IL12RB2: variants seen among roughly 807,000 people sequenced by gnomAD.
IL12RB2 encodes interleukin-12 receptor subunit beta-2.
Under a neutral mutation model 89.4 loss-of-function variants are expected in IL12RB2, and 82 were observed. The observed-to-expected ratio is 0.92, with a 90% CI of 0.77 to 1.10. The LOEUF (loss-of-function observed/expected upper bound fraction) is 1.10, where lower values mean the gene tolerates loss of function less well. Ranked by LOEUF, IL12RB2 falls within the 50% of genes least tolerant of loss-of-function variation. The pLI, the probability that IL12RB2 is intolerant of heterozygous loss-of-function variation, is 0.00. For synonymous variants in IL12RB2, 368 were observed against 370.1 expected (o/e 0.99, Z 0.07); for missense variants, 963 against 1,031.9 (o/e 0.93, Z 0.92).
At chr1:67,371,019 T>C (rs76065243) in intron 11 of IL12RB2, among the ~76,000 whole-genome samples, 2,491 of 152,312 alleles carry the variant, frequency 0.016, 25 homozygotes, top group Non-Finnish European at 0.026. Context: ...CATGCCTCCA[T>C]AAGGCGGTGG....
At chr1:67,341,332 T>C (rs1659499663) in intron 9 of IL12RB2, among the ~76,000 whole-genome samples, 1 of 151,096 alleles carries the variant, frequency 6.6e-6, no homozygotes, top group Non-Finnish European at 1.5e-5. Flanking sequence ...AGCAGGAGAA[T>C]CCCTTGAACC....
intron 14 of IL12RB2, among the ~76,000 whole-genome samples, chr1:67,385,406 A>G (rs1039584809): frequency 2.0e-5 from 3 of 152,158 alleles, no homozygotes; most frequent in African/African-American, 7.2e-5. Flanking sequence ...TGATTCAATT[A>G]CCTCCCAGTG....
rs533292152 is a variant in IL12RB2, at chr1:67,354,033, A to G, written c.1258+2944A>G. ...AAGGCAGTTGGAATCCAGCATAGGT[A>G]AAAGATACAGTCGAGGTCCTCAACT... On this transcript the variant is annotated intron_variant, in intron 10 of 16. Transcript: ENST00000674203. Among the ~76,000 whole-genome samples, 13 of 152,348 alleles carry G rather than the reference A, an allele frequency of 8.5e-5. No homozygotes were observed. The East Asian group carries it at 1.9e-3, about 23-fold the overall frequency.
At chr1:67,388,829 G>A (rs1354753014) in intron 15 of IL12RB2, among the ~76,000 whole-genome samples, 1 of 152,152 alleles carries the variant, frequency 6.6e-6, no homozygotes, top group Non-Finnish European at 1.5e-5. Context: ...TAAGAGAAGA[G>A]GTCTTTTGAC....
intron 8 of IL12RB2, among the ~76,000 whole-genome samples, chr1:67,333,370 A>T (rs1291197299): frequency 6.6e-6 from 1 of 151,364 alleles, no homozygotes; most frequent in South Asian, 2.1e-4. Flanking sequence ...CTTGGCATTT[A>T]AAAAAAATTA....
intron 7 of IL12RB2, 65 bp downstream of exon 7, chr1:67,329,794 GT>G: frequency 9.2e-7 from 1 of 1,082,796 alleles, no homozygotes; most frequent in Non-Finnish European, 1.4e-6. Context: ...GCAGACCTCT[GT>G]CTTTTCATAC....
chr1:67,345,916 TAA>T (rs983688081), intron 9 of IL12RB2, among the ~76,000 whole-genome samples: 20 of 152,318 alleles, frequency 1.3e-4, no homozygotes, highest in African/African-American at 4.8e-4. Flanking sequence ...AAGGGCATTT[TAA>T]AGTTTTGCTT....
At chr1:67,351,655 A>G (rs1660861308) in intron 10 of IL12RB2, among the ~76,000 whole-genome samples, 1 of 152,188 alleles carries the variant, frequency 6.6e-6, no homozygotes, top group South Asian at 2.1e-4. Flanking sequence ...ATAAATAAAT[A>G]CAACCAATAA....
At chr1:67,307,865 G>A (rs369863723), upstream of IL12RB2, 2 of 152,136 alleles carry the variant, frequency 1.3e-5, no homozygotes, top group African/African-American at 4.8e-5. Flanking sequence ...GAACGCCCGA[G>A]CGCCGGCAGA....
intron 9 of IL12RB2, among the ~76,000 whole-genome samples, chr1:67,340,556 T>C (rs895530248): frequency 1.3e-5 from 2 of 152,180 alleles, no homozygotes; most frequent in African/African-American, 2.4e-5. Context: ...GACAAGACCA[T>C]TGTGGGGATC....
intron 8 of IL12RB2, among the ~76,000 whole-genome samples, chr1:67,332,852 C>G (rs915950668): frequency 3.3e-5 from 5 of 152,184 alleles, no homozygotes; most frequent in Non-Finnish European, 7.3e-5. Context: ...GTCATTCTTA[C>G]TCACATATGA....
At chr1:67,374,040 C>G (rs1557461462) in intron 13 of IL12RB2, among the ~76,000 whole-genome samples, 3 of 152,154 alleles carry the variant, frequency 2.0e-5, no homozygotes, top group African/African-American at 2.4e-5. Context: ...AGGCTGTTAA[C>G]AGTCCCTTGT....
intron 16 of IL12RB2, among the ~76,000 whole-genome samples, chr1:67,390,695 G>C (rs375006634): frequency 1.3e-5 from 2 of 152,110 alleles, no homozygotes; most frequent in African/African-American, 4.8e-5. Flanking sequence ...GAAGTGAAGG[G>C]AACTGCTGCA....
chr1:67,379,086 A>G (rs17425673), intron 13 of IL12RB2, among the ~76,000 whole-genome samples: 8,348 of 151,350 alleles, frequency 0.055, 343 homozygotes, highest in African/African-American at 0.11. Flanking sequence ...AGTCCCAGCT[A>G]CTTGGGAGGC....
chr1:67,385,756 CTAGA>C (rs1237641267), intron 14 of IL12RB2, among the ~76,000 whole-genome samples: 4 of 152,314 alleles, frequency 2.6e-5, no homozygotes, highest in East Asian at 3.9e-4. Context: ...ATCACCCTAG[CTAGA>C]TAAAGGCTTA....
At chr1:67,330,106 A>T (rs1470634855) in intron 7 of IL12RB2, among the ~76,000 whole-genome samples, 1 of 152,166 alleles carries the variant, frequency 6.6e-6, no homozygotes, top group Non-Finnish European at 1.5e-5. Context: ...TCCAAAGAAA[A>T]GGTCTACAAT....
At chr1:67,384,175 C>A (rs1003995298) in intron 14 of IL12RB2, among the ~76,000 whole-genome samples, 2 of 152,222 alleles carry the variant, frequency 1.3e-5, no homozygotes, top group South Asian at 2.1e-4. Context: ...AGGGCTCCGC[C>A]CCTGCAGCAA....
intron 1 of IL12RB2, among the ~76,000 whole-genome samples, chr1:67,311,170 A>G (rs758627729): frequency 6.6e-6 from 1 of 152,156 alleles, no homozygotes; most frequent in Non-Finnish European, 1.5e-5. Context: ...TTACTACTAC[A>G]GTTGCTCAGG....
At chr1:67,362,337 C>T (rs1231915399) in intron 10 of IL12RB2, among the ~76,000 whole-genome samples, 8 of 149,618 alleles carry the variant, frequency 5.3e-5, no homozygotes, top group African/African-American at 1.7e-4. Context: ...GAGGCCGAGG[C>T]GGGTGGATCA....
Sources: gnomAD v4.1 joint callset for allele counts (sites outside exome capture counted in the v4.1 genomes callset) on GRCh38, gnomAD v4.1.1 for gene constraint, MANE v1.5 for transcripts, NCBI Gene and HGNC (gene_info 2026-07-23, HGNC 2026-07-21) for gene names.